Variants in BCAS3 observed in about 807,000 individuals in gnomAD.
BCAS3 encodes BCAS3 microtubule associated cell migration factor, also known as BCAS4/BCAS3 fusion.
A neutral mutation model predicts 116.1 loss-of-function variants in BCAS3; 53 were observed. That is an observed-to-expected ratio of 0.46 (90% confidence interval 0.37 to 0.57). BCAS3 has a LOEUF of 0.57. Among genes scored for constraint, BCAS3 ranks in the 20% least tolerant of loss-of-function variants. The pLI is 0.00. For missense variants in BCAS3, 917 were observed against 1,165.4 expected (o/e 0.79, Z 3.10); for synonymous variants, 391 against 408.2 (o/e 0.96, Z 0.51).
chr17:60,951,997 C>T lies in BCAS3; in HGVS notation c.1221+4645C>T, dbSNP rs530720903. 1.5e-3 allele frequency among the ~76,000 whole-genome samples: 231 copies of T among 151,912 alleles called. 1 individual carries two copies. Among genetic ancestry groups the T allele is most frequent in the Middle Eastern group, 0.014 (4 of 292 alleles). On this transcript the variant is annotated intron_variant, in intron 14 of 23. Coordinates refer to ENST00000407086, the MANE Select transcript of BCAS3 (RefSeq NM_017679.5). Reference sequence around the variant, plus strand: ...ATGTTGGCCAGGCTGGTCTTGAATTCCTGACCTCAGGTGATGCACCCGCCT... The same window carrying T: ...ATGTTGGCCAGGCTGGTCTTGAATTTCTGACCTCAGGTGATGCACCCGCCT...
At chr17:61,195,884 A>G (rs750002840) in intron 22 of BCAS3, among the ~76,000 whole-genome samples, 7 of 152,202 alleles carry the variant, frequency 4.6e-5, no homozygotes, top group East Asian at 1.9e-4. Context: ...CTGACTGGCT[A>G]TCTTTGGGAA....
rs1451793909 is a variant in BCAS3, at chr17:61,265,747, T to C, written c.2426-102580T>C. Among the ~76,000 whole-genome samples the C allele has an allele frequency of 1.3e-5, 2 of 152,138 alleles. No individual in the cohort carries two copies. The highest frequency in any genetic ancestry group is 2.9e-5 in the Non-Finnish European group (2 of 68,032). ...GCCAGGGTTTGTGTGTGTCATACTG[T>C]CCTGGACTCTGTATAGCAAAGATTT... On this transcript the variant is annotated intron_variant, in intron 22 of 23. Transcript: ENST00000407086. This position sits in a 1 kb window ranked among gnomAD's most constrained non-coding sequence, Gnocchi z 4.3.
In BCAS3 at chr17:60,964,785, A is replaced by G. The variant is rs1487420505; in HGVS notation, c.1221+17433A>G. Among the ~76,000 whole-genome samples, 3 of 152,154 alleles carry G rather than the reference A, an allele frequency of 2.0e-5. No homozygotes were observed. The highest frequency in any genetic ancestry group is 4.4e-5 in the Non-Finnish European group (3 of 68,036). ...TCAATCTTGGAGGTTGTATGTTTCC[A>G]GAAATTTATCCATTTCTTCTAGGTT... is the stretch of plus-strand genomic sequence containing the variant. On this transcript the variant is annotated intron_variant, in intron 14 of 23. Transcript: ENST00000407086. This position sits in a 1 kb window ranked among gnomAD's most constrained non-coding sequence, Gnocchi z 4.6.
chr17:60,773,085 G>A (rs1271199495), intron 6 of BCAS3, among the ~76,000 whole-genome samples: 1 of 152,162 alleles, frequency 6.6e-6, no homozygotes, highest in African/African-American at 2.4e-5. Flanking sequence ...CACCAGCAAT[G>A]AACAAGAGTT....
intron 19 of BCAS3, among the ~76,000 whole-genome samples, chr17:61,045,943 TTATATATATA>T (rs1343210255): frequency 6.0e-5 from 1 of 16,624 alleles, no homozygotes; most frequent in Non-Finnish European, 7.9e-5. Flanking sequence ...AATATATATA[TTATATATATA>T]AATATATATA....
chr17:61,240,523 G>A (rs929610807), intron 22 of BCAS3, among the ~76,000 whole-genome samples: 3 of 152,080 alleles, frequency 2.0e-5, no homozygotes, highest in African/African-American at 4.8e-5. Context: ...GCGTGGTGGC[G>A]CACGCCTGTA....
At chr17:61,117,245 C>T (rs1002233282) in intron 22 of BCAS3, among the ~76,000 whole-genome samples, 1 of 152,168 alleles carries the variant, frequency 6.6e-6, no homozygotes, top group Non-Finnish European at 1.5e-5. Context: ...CATTCTGTTA[C>T]TGAACGCATC....
At chr17:60,930,440 A>C (rs1333848212) in intron 13 of BCAS3, among the ~76,000 whole-genome samples, 1 of 152,136 alleles carries the variant, frequency 6.6e-6, no homozygotes, top group East Asian at 1.9e-4. Context: ...ATATAAATAA[A>C]TTCCTTTTAG....
chr17:61,272,952 C>G (rs1184341150), intron 22 of BCAS3, among the ~76,000 whole-genome samples: 2 of 152,062 alleles, frequency 1.3e-5, no homozygotes, highest in African/African-American at 4.8e-5. Flanking sequence ...CCCCTGTGTT[C>G]TTTCTTGGCT....
In BCAS3 at chr17:61,326,487, C is replaced by T. The variant is rs1374882015; in HGVS notation, c.2426-41840C>T. On this transcript the variant is annotated intron_variant, in intron 22 of 23. Transcript: ENST00000407086. This position sits in a 1 kb window ranked among gnomAD's most constrained non-coding sequence, Gnocchi z 5.3. Reference sequence around the variant, plus strand: ...ATCACTCTGACCTTACTGTGGAAGACAGGAGACTGTTAGAGAAGTCGAGTA... The same window carrying T: ...ATCACTCTGACCTTACTGTGGAAGATAGGAGACTGTTAGAGAAGTCGAGTA... 6.6e-6 allele frequency among the ~76,000 whole-genome samples: 1 copy of T among 152,130 alleles called. No individual in the cohort carries two copies. Among genetic ancestry groups the T allele is most frequent in the Admixed American group, 6.6e-5 (1 of 15,262 alleles).
rs561382959 is a variant in BCAS3 at position 61,333,450 on chromosome 17, C to T, written c.2426-34877C>T. Among the ~76,000 whole-genome samples, 1 of 152,230 alleles carries T rather than the reference C, an allele frequency of 6.6e-6. No homozygotes were observed. Among genetic ancestry groups the T allele is most frequent in the Non-Finnish European group, 1.5e-5 (1 of 68,008 alleles). ...CAGGCAGGCCTCTGTCTCAGCATCA[C>T]CAATAGCTCACCCTCCTGTCCACTC... On this transcript the variant is annotated intron_variant, in intron 22 of 23. Transcript: ENST00000407086. The surrounding 1 kb of genome is among the most constrained non-coding windows in gnomAD (Gnocchi z 4.8).
chr17:61,245,988 C>T (rs1440698494), intron 22 of BCAS3, among the ~76,000 whole-genome samples: 1 of 152,128 alleles, frequency 6.6e-6, no homozygotes, highest in Non-Finnish European at 1.5e-5. Flanking sequence ...GCTGTGAGAG[C>T]TCAGGTGATC....
rs2076336476 is a variant in BCAS3, at chr17:61,131,450, A to T, written c.2425+46886A>T. Among the ~76,000 whole-genome samples the T allele has an allele frequency of 6.6e-6, 1 of 152,222 alleles. No individual in the cohort carries two copies. Among genetic ancestry groups the T allele is most frequent in the Non-Finnish European group, 1.5e-5 (1 of 68,042 alleles). On this transcript the variant is annotated intron_variant, in intron 22 of 23. Transcript: ENST00000407086. This position sits in a 1 kb window ranked among gnomAD's most constrained non-coding sequence, Gnocchi z 4.4. ...TTATTAAGCCAGGGGTATAAATTAC[A>T]ATTCGTTAAATAAATTCATAATATA...
intron 19 of BCAS3, among the ~76,000 whole-genome samples, chr17:61,042,891 C>CAAAAAAAAAAAAAAAAAAAAAAAAAAA (rs35629825): frequency 6.9e-5 from 4 of 58,316 alleles, no homozygotes; most frequent in African/African-American, 2.2e-4. Context: ...CTCCATCTCA[C>CAAAAAAAAAAAAAAAAAAAAAAAAAAA]AAAAAAAAAA....
intron 19 of BCAS3, among the ~76,000 whole-genome samples, chr17:61,066,584 GTAAT>G (rs1346466426): frequency 1.5e-4 from 23 of 151,938 alleles, no homozygotes; most frequent in African/African-American, 5.6e-4. Flanking sequence ...TATAATGAGA[GTAAT>G]TAATTACCTG....
chr17:61,004,368 G>T lies in BCAS3; in HGVS notation c.1487-11383G>T, dbSNP rs929411688. Among the ~76,000 whole-genome samples the T allele has an allele frequency of 6.9e-6, 1 of 145,426 alleles. No homozygotes were observed. Among genetic ancestry groups the T allele is most frequent in the African/African-American group, 2.5e-5 (1 of 39,880 alleles). ...ACTTATCAAAAGGAAGATCTGAAAT[G>T]TTTTTTTTTTTTAATTTGGAGAAAA... On this transcript the variant is annotated intron_variant, in intron 15 of 23. Transcript: ENST00000407086. The surrounding 1 kb of genome is among the most constrained non-coding windows in gnomAD (Gnocchi z 4.8).
rs1245799876 is a variant in BCAS3, at chr17:61,248,386, T to C, written c.2426-119941T>C. ...ACTTTAAAAAATTCCAAAAAGAAAATCTAAAGGACCATTCCTATGATTATT... is the reference window on the plus strand; with the variant it reads ...ACTTTAAAAAATTCCAAAAAGAAAACCTAAAGGACCATTCCTATGATTATT... On this transcript the variant is annotated intron_variant, in intron 22 of 23. Coordinates refer to ENST00000407086, the MANE Select transcript of BCAS3 (RefSeq NM_017679.5). This position sits in a 1 kb window ranked among gnomAD's most constrained non-coding sequence, Gnocchi z 4.3. 2.0e-5 allele frequency among the ~76,000 whole-genome samples: 3 copies of C among 152,108 alleles called. No homozygotes were observed. Among genetic ancestry groups the C allele is most frequent in the Non-Finnish European group, 4.4e-5 (3 of 68,022 alleles).
At position 61,203,627 on chromosome 17, in the gene BCAS3, G is replaced by C. The variant is rs906358811; in HGVS notation, c.2425+119063G>C. Among the ~76,000 whole-genome samples the C allele has an allele frequency of 2.0e-5, 3 of 152,140 alleles. No individual in the cohort carries two copies. Among genetic ancestry groups the C allele is most frequent in the Non-Finnish European group, 4.4e-5 (3 of 68,010 alleles). On this transcript the variant is annotated intron_variant, in intron 22 of 23. Transcript: ENST00000407086. This position sits in a 1 kb window ranked among gnomAD's most constrained non-coding sequence, Gnocchi z 5.7. ...GGAGAAAAGTGATCAAAAAACACTT[G>C]ATATTTTTAAATTCGTGGAAACTTT...
chr17:60,885,390 CTT>C (rs2056542107), intron 9 of BCAS3, among the ~76,000 whole-genome samples: 1 of 38,322 alleles, frequency 2.6e-5, no homozygotes, highest in Non-Finnish European at 4.7e-5. Flanking sequence ...GGTCTTGACT[CTT>C]TATCCAATTT....
Sources: gnomAD v4.1 joint callset for allele counts (sites outside exome capture counted in the v4.1 genomes callset) on GRCh38, gnomAD v4.1.1 for gene constraint, Gnocchi (gnomAD v3.1) non-coding constraint, MANE v1.5 for transcripts, NCBI Gene and HGNC (gene_info 2026-07-23, HGNC 2026-07-21) for gene names.